MAP4K4: variants seen among roughly 807,000 people sequenced by gnomAD.
The protein encoded by MAP4K4 is HPK/GCK-like kinase HGK.
MAP4K4 carries 38 observed loss-of-function variants against 189.6 expected under a neutral mutation model. The ratio of observed to expected loss-of-function variants is 0.20; its 90% CI spans 0.15 to 0.26. MAP4K4 has a LOEUF of 0.26. Among genes scored for constraint, MAP4K4 ranks in the 10% least tolerant of loss-of-function variants. The pLI, the probability that MAP4K4 is intolerant of heterozygous loss-of-function variation, is 1.00. For synonymous variants in MAP4K4, 610 were observed against 624.3 expected (o/e 0.98, Z 0.34); for missense variants, 1,054 against 1,726.9 (o/e 0.61, Z 6.91).
chr2:101,800,641 T>C (rs1292195220), intron 3 of MAP4K4, among the ~76,000 whole-genome samples: 1 of 152,218 alleles, frequency 6.6e-6, no homozygotes, highest in East Asian at 1.9e-4. Context: ...GATATAATTT[T>C]GGTTCGTTGG....
At chr2:101,740,729 G>T (rs1413089620) in intron 2 of MAP4K4, among the ~76,000 whole-genome samples, 1 of 152,064 alleles carries the variant, frequency 6.6e-6, no homozygotes, top group Non-Finnish European at 1.5e-5. Context: ...AGTTTGCACT[G>T]TCAGCATAAG....
intron 2 of MAP4K4, among the ~76,000 whole-genome samples, chr2:101,749,958 A>C (rs372224116): frequency 7.6e-6 from 1 of 131,164 alleles, no homozygotes; most frequent in Non-Finnish European, 1.5e-5. Flanking sequence ...AACCACAATG[A>C]GATACCATCT....
intron 2 of MAP4K4, among the ~76,000 whole-genome samples, chr2:101,716,755 G>A (rs550996672): frequency 4.6e-5 from 7 of 152,256 alleles, no homozygotes; most frequent in Non-Finnish European, 1.0e-4. Context: ...GGATCTCTCC[G>A]GAAGCTGAAG....
intron 32 of MAP4K4, among the ~76,000 whole-genome samples, chr2:101,889,989 A>G (rs1356626557): frequency 1.3e-5 from 2 of 152,044 alleles, no homozygotes; most frequent in South Asian, 4.1e-4. Context: ...TACAGCTCAG[A>G]CCTAATCCAG....
chr2:101,864,564 T>G (rs2097763923), intron 17 of MAP4K4, among the ~76,000 whole-genome samples: 1 of 152,234 alleles, frequency 6.6e-6, no homozygotes, highest in African/African-American at 2.4e-5. Flanking sequence ...TTCCTGCTAG[T>G]CTTTGCTTCC....
Position 101,718,569 on chromosome 2 carries a change from G to C in MAP4K4, c.123+20031G>C, listed in dbSNP as rs1328400118. On this transcript the variant is annotated intron_variant, in intron 2 of 32. Coordinates refer to ENST00000324219, the Ensembl canonical transcript of MAP4K4. ...CAGGGCTGACAGTGGGAAGGTGGGGGTGGGGGGGTGGGGGGGAGTGGAAGG... is the reference window on the plus strand; with the variant it reads ...CAGGGCTGACAGTGGGAAGGTGGGGCTGGGGGGGTGGGGGGGAGTGGAAGG... Among the ~76,000 whole-genome samples, 6 of 126,914 alleles carry C rather than the reference G, an allele frequency of 4.7e-5. No homozygotes were observed. The Admixed American group carries it at 4.8e-4, about 10-fold the overall frequency. The allele number at this position is 126,914 out of a possible 152,430, so 83.3% of individuals were successfully genotyped here.
chr2:101,810,960 A>G (rs980769247), intron 3 of MAP4K4, among the ~76,000 whole-genome samples: 1 of 152,218 alleles, frequency 6.6e-6, no homozygotes, highest in Non-Finnish European at 1.5e-5. Flanking sequence ...CACACTGCTG[A>G]TAGATTCTGA....
At chr2:101,742,892 C>T (rs958735464) in intron 2 of MAP4K4, among the ~76,000 whole-genome samples, 13 of 152,160 alleles carry the variant, frequency 8.5e-5, no homozygotes, top group Non-Finnish European at 1.5e-4. Context: ...GTTTAGAAGT[C>T]TGAAAGAGCA....
At chr2:101,794,982 A>G (rs901602631) in intron 3 of MAP4K4, among the ~76,000 whole-genome samples, 2 of 152,084 alleles carry the variant, frequency 1.3e-5, no homozygotes, top group African/African-American at 4.8e-5. Context: ...GTTTGATTAG[A>G]TGCAGATTAA....
At chr2:101,866,405 T>C in intron 18 of MAP4K4, 23 bp from the exon 19 acceptor site, 1 of 1,597,342 alleles carries the variant, frequency 6.3e-7, no homozygotes, top group Non-Finnish European at 8.6e-7. Flanking sequence ...CATTAGCTGT[T>C]CTCTCTTCTT....
At position 101,843,226 on chromosome 2, in the gene MAP4K4, G is replaced by C. The variant is rs140690513; in HGVS notation, c.1022+545G>C. ...AGAGGATTTTTGGATTGTGATGTTG[G>C]GTGTGCCTGGCAGTTGTCCATGCTG... On this transcript the variant is annotated intron_variant, in intron 11 of 32. Coordinates refer to ENST00000324219, the Ensembl canonical transcript of MAP4K4. Among the ~76,000 whole-genome samples, 193 of 152,240 alleles carry C rather than the reference G, an allele frequency of 1.3e-3. 1 individual carries two copies. The highest frequency in any genetic ancestry group is 4.6e-3 in the African/African-American group (189 of 41,538).
chr2:101,797,731 T>TCAACTA (rs1432310027), intron 3 of MAP4K4, among the ~76,000 whole-genome samples: 1 of 151,968 alleles, frequency 6.6e-6, no homozygotes, highest in Non-Finnish European at 1.5e-5. Flanking sequence ...TCAGTTAAAA[T>TCAACTA]CAACTACATT....
chr2:101,814,190 A>G (rs2095587913), intron 3 of MAP4K4, among the ~76,000 whole-genome samples: 1 of 152,230 alleles, frequency 6.6e-6, no homozygotes, highest in Non-Finnish European at 1.5e-5. Context: ...AGAGAATGTG[A>G]GTAGATGCAG....
At chr2:101,770,126 T>C (rs1291905756) in intron 2 of MAP4K4, among the ~76,000 whole-genome samples, 1 of 152,190 alleles carries the variant, frequency 6.6e-6, no homozygotes, top group African/African-American at 2.4e-5. Flanking sequence ...TTGTTCTTTT[T>C]CAACAAATAA....
rs2062088731 is a variant in MAP4K4, at chr2:101,740,258, A to C, written c.123+41720A>C. ...AAGCTCCGCCTCCCGGGTTCACGCT[A>C]TTCTCCTGCCTCAGCCTCCCAAGTA... On this transcript the variant is annotated intron_variant, in intron 2 of 32. Transcript: ENST00000324219. Among the ~76,000 whole-genome samples the C allele has an allele frequency of 2.0e-5, 2 of 100,914 alleles. 1 individual carries two copies. Among genetic ancestry groups the C allele is most frequent in the Admixed American group, 2.0e-4 (2 of 10,204 alleles). 66.2% of individuals were successfully genotyped at this position (100,914 alleles called of 152,430 possible). A position where few individuals can be genotyped will look rare whatever the true frequency, so the allele number is the denominator to read the frequency against.
chr2:101,733,911 T>A (rs2059437075), intron 2 of MAP4K4, among the ~76,000 whole-genome samples: 1 of 152,194 alleles, frequency 6.6e-6, no homozygotes, highest in Non-Finnish European at 1.5e-5. Context: ...TGCTGGAGCC[T>A]TTGTTCCCTG....
At chr2:101,880,851 G>A (rs1287832853) in intron 27 of MAP4K4, among the ~76,000 whole-genome samples, 1 of 152,028 alleles carries the variant, frequency 6.6e-6, no homozygotes, top group Non-Finnish European at 1.5e-5. Flanking sequence ...TTATCTATTT[G>A]TCTCTTTTTG....
chr2:101,843,042 A>C lies in MAP4K4; in HGVS notation c.1022+361A>C, dbSNP rs377328520. Among the ~76,000 whole-genome samples the C allele has an allele frequency of 1.8e-4, 27 of 152,144 alleles. No homozygotes were observed. The East Asian group carries it at 2.1e-3, about 12-fold the overall frequency. ...ATATAGAACATGGCTACACAAAAAG[A>C]ATTGTCCCGCCCATGGACCAGCAGG... On this transcript the variant is annotated intron_variant, in intron 11 of 32. Transcript: ENST00000324219.
chr2:101,860,930 T>C (rs1301741891), exon 16 of MAP4K4: 2 of 1,606,364 alleles, frequency 1.2e-6, no homozygotes, highest in Admixed American at 1.7e-5. Flanking sequence ...AGAGTCTTTT[T>C]CCAATGGCAA....
Sources: gnomAD v4.1 joint callset for allele counts (sites outside exome capture counted in the v4.1 genomes callset) on GRCh38, gnomAD v4.1.1 for gene constraint, MANE v1.5 for transcripts, NCBI Gene and HGNC (gene_info 2026-07-23, HGNC 2026-07-21) for gene names.